KIAA1217: variants seen among roughly 807,000 people sequenced by gnomAD.
The protein encoded by KIAA1217 is KIAA1217.
A neutral mutation model predicts 163.9 loss-of-function variants in KIAA1217; 88 were observed. The observed-to-expected ratio is 0.54, with a 90% CI of 0.45 to 0.64. The LOEUF (loss-of-function observed/expected upper bound fraction) is 0.64, where lower values mean the gene tolerates loss of function less well. Among genes scored for constraint, KIAA1217 ranks in the 30% least tolerant of loss-of-function variants. The pLI is 0.00. For synonymous variants in KIAA1217, 903 were observed against 923.1 expected, an observed-to-expected ratio of 0.98 and a Z score of 0.39; for missense variants, 2,372 against 2,475.0, an observed-to-expected ratio of 0.96 and a Z score of 0.88.
chr10:24,400,927 A>T (rs923457369), intron 3 of KIAA1217, among the ~76,000 whole-genome samples: 1 of 149,596 alleles, frequency 6.7e-6, no homozygotes, highest in Non-Finnish European at 1.5e-5. Flanking sequence ...GAGACTTAAG[A>T]TTGAAAAATA....
intron 2 of KIAA1217, among the ~76,000 whole-genome samples, chr10:24,089,862 A>AG (rs1282105761): frequency 2.0e-5 from 3 of 151,876 alleles, no homozygotes; most frequent in Non-Finnish European, 4.4e-5. Flanking sequence ...AAATGGCCAT[A>AG]CTGCCCAAGG....
chr10:23,822,315 A>G (rs1258789061), intron 1 of KIAA1217, among the ~76,000 whole-genome samples: 1 of 152,208 alleles, frequency 6.6e-6, no homozygotes, highest in African/African-American at 2.4e-5. Flanking sequence ...ACCTAGAAAA[A>G]GGACTGATAA....
intron 2 of KIAA1217, among the ~76,000 whole-genome samples, chr10:24,186,942 T>C (rs2066462737): frequency 6.6e-6 from 1 of 152,172 alleles, no homozygotes; most frequent in Non-Finnish European, 1.5e-5. Context: ...CCCTTTTCTC[T>C]TCCCCAGTTC....
chr10:24,345,138 A>T (rs2047565302), intron 2 of KIAA1217, among the ~76,000 whole-genome samples: 1 of 152,200 alleles, frequency 6.6e-6, no homozygotes, highest in Non-Finnish European at 1.5e-5. Flanking sequence ...AATTCAAGAC[A>T]CCAAGCATAG....
At chr10:24,166,356 G>C (rs2065344013) in intron 2 of KIAA1217, among the ~76,000 whole-genome samples, 1 of 151,970 alleles carries the variant, frequency 6.6e-6, no homozygotes, top group South Asian at 2.1e-4. Flanking sequence ...TTGATTAACG[G>C]GTACAAATAT....
At chr10:23,982,573 C>CTCTCTA (rs1845817247) in intron 1 of KIAA1217, among the ~76,000 whole-genome samples, 1 of 144,098 alleles carries the variant, frequency 6.9e-6, no homozygotes, top group Non-Finnish European at 1.5e-5. Context: ...CTCTCTCTCT[C>CTCTCTA]TCTCTCTCGG....
intron 12 of KIAA1217, among the ~76,000 whole-genome samples, chr10:24,522,648 C>A (rs2134636285): frequency 6.6e-6 from 1 of 152,278 alleles, no homozygotes; most frequent in East Asian, 1.9e-4. Context: ...AAAGAAAATT[C>A]CAGGACTCCA....
At chr10:24,275,868 C>T (rs2077229608) in intron 2 of KIAA1217, 1 of 443,362 alleles carries the variant, frequency 2.3e-6, no homozygotes, top group Non-Finnish European at 4.5e-6. Flanking sequence ...CAAACTATAG[C>T]AAGGGCCCTG....
At chr10:24,182,657 G>A (rs1421196821) in intron 2 of KIAA1217, among the ~76,000 whole-genome samples, 3 of 152,076 alleles carry the variant, frequency 2.0e-5, no homozygotes, top group Non-Finnish European at 4.4e-5. Flanking sequence ...AACACAATTT[G>A]TATTTTGCTT....
intron 1 of KIAA1217, among the ~76,000 whole-genome samples, chr10:23,943,100 G>T (rs890452456): frequency 1.3e-5 from 2 of 151,888 alleles, no homozygotes; most frequent in Non-Finnish European, 2.9e-5. Flanking sequence ...AATTTAGCCT[G>T]GTGTCAGAGT....
intron 3 of KIAA1217, among the ~76,000 whole-genome samples, chr10:24,408,761 A>C (rs1034496814): frequency 4.6e-5 from 7 of 152,194 alleles, no homozygotes; most frequent in African/African-American, 1.7e-4. Context: ...TCTTATCTGA[A>C]GAAGGGCTCT....
chr10:24,387,758 T>C (rs1172751132), intron 3 of KIAA1217, among the ~76,000 whole-genome samples: 1 of 151,854 alleles, frequency 6.6e-6, no homozygotes, highest in Non-Finnish European at 1.5e-5. Flanking sequence ...TATACACCAA[T>C]AACAGACAAA....
At chr10:23,842,158 G>A (rs923702717) in intron 1 of KIAA1217, among the ~76,000 whole-genome samples, 6 of 152,052 alleles carry the variant, frequency 3.9e-5, no homozygotes, top group South Asian at 2.1e-4. Context: ...GTGAGCCACC[G>A]TGCCCGGCAT....
chr10:23,733,759 T>G (rs1288571811), intron 1 of KIAA1217, among the ~76,000 whole-genome samples: 1 of 152,192 alleles, frequency 6.6e-6, no homozygotes, highest in African/African-American at 2.4e-5. Flanking sequence ...GTGCCTGCAC[T>G]TAACTGTATA....
chr10:24,147,006 TA>T (rs755857019), intron 2 of KIAA1217, among the ~76,000 whole-genome samples: 3,012 of 110,720 alleles, frequency 0.027, 35 homozygotes, highest in African/African-American at 0.067. Context: ...TTTGTTTTGT[TA>T]AAAAAAAAAA....
Position 23,718,161 on chromosome 10 carries a change from T to C in KIAA1217, c.-321+22927T>C, listed in dbSNP as rs118141487. Among the ~76,000 whole-genome samples, 148 of 152,296 alleles carry C rather than the reference T, an allele frequency of 9.7e-4. 7 individuals carry two copies. The East Asian group carries it at 0.022, about 22-fold the overall frequency. The stretch of plus-strand genomic sequence containing the variant: ...CCAAAACCAATGGCCAAAACTGCAG[T>C]TACCTTTGCACCAACCTAATATGTG... On this transcript the variant is annotated intron_variant, in intron 1 of 18. Coordinates refer to the KIAA1217 transcript ENST00000376462.
At chr10:23,781,652 A>G (rs1048914665) in intron 1 of KIAA1217, among the ~76,000 whole-genome samples, 1 of 152,172 alleles carries the variant, frequency 6.6e-6, no homozygotes, top group African/African-American at 2.4e-5. Context: ...ACTGAGGCCA[A>G]CGTTAAGGAG....
rs201371815 is a variant in KIAA1217, at chr10:24,096,130, AT to A, written c.-171+88758del. ...CTTGAAAACAAAATGAAACTAAACT[AT>A]TCTAAACTCAGCATCAACCTCCACA... On this transcript the variant is annotated intron_variant, in intron 2 of 18. Transcript: ENST00000376462. 8.8e-3 allele frequency among the ~76,000 whole-genome samples: 1,338 copies of A among 152,250 alleles called. 22 individuals are homozygous for A. The highest frequency in any genetic ancestry group is 0.031 in the African/African-American group (1,286 of 41,532).
chr10:24,533,103 A>T lies in KIAA1217; in HGVS notation c.3280A>T (p.Thr1094Ser), dbSNP rs1358892701. ...SSEDAGPSPQ[T>S]RATKYPAEEP... ...TGAAGATGCTGGACCAAGCCCACAG[A>T]CCAGAGCTACAAAATATCCAGCAGA... Residue 1094 changes from threonine to serine, a missense_variant, in exon 16 of 21, where the codon ACC becomes TCC. This residue lies in a region of KIAA1217 where 1,431 missense variants were observed against 1,470.3 expected (regional missense o/e 0.97). Transcript: ENST00000376454. 1 of 1,613,776 alleles carries T rather than the reference A, an allele frequency of 6.2e-7. No individual in the cohort carries two copies. The highest frequency in any genetic ancestry group is 1.1e-5 in the South Asian group (1 of 91,036).
Sources: allele counts gnomAD v4.1 joint callset (sites outside exome capture counted in the v4.1 genomes callset), GRCh38; gene constraint gnomAD v4.1.1; regional missense constraint gnomAD v4.1.1; transcripts MANE v1.5; gene names NCBI Gene and HGNC (gene_info 2026-07-23, HGNC 2026-07-21).